ZBTB20: variants seen among roughly 807,000 people sequenced by gnomAD.
The protein encoded by ZBTB20 is zinc finger and BTB domain containing 20.
In ZBTB20, 9 loss-of-function variants were observed where a neutral mutation model predicts 56.9. That is an observed-to-expected ratio of 0.16 (90% CI 0.10 to 0.28). ZBTB20 has a LOEUF of 0.28. Ranked by LOEUF, ZBTB20 falls within the 10% of genes least tolerant of loss-of-function variation. The pLI is 1.00. For missense variants in ZBTB20, 655 were observed against 1,003.0 expected, an observed-to-expected ratio of 0.65 and a Z score of 4.69; for synonymous variants, 417 against 420.7, an observed-to-expected ratio of 0.99 and a Z score of 0.11.
intron 2 of ZBTB20, among the ~76,000 whole-genome samples, chr3:114,996,965 T>C (rs957117558): frequency 2.0e-5 from 3 of 151,906 alleles, no homozygotes; most frequent in Non-Finnish European, 4.4e-5. Flanking sequence ...ATGGTGATCA[T>C]TAAAAAGTCA....
intron 6 of ZBTB20, among the ~76,000 whole-genome samples, chr3:114,522,249 T>C (rs2046725749): frequency 6.6e-6 from 1 of 152,146 alleles, no homozygotes; most frequent in Non-Finnish European, 1.5e-5. Flanking sequence ...AAACAAGCCT[T>C]ATCTGGGGAA....
chr3:114,993,155 T>C, intron 2 of ZBTB20, among the ~76,000 whole-genome samples: 1 of 151,984 alleles, frequency 6.6e-6, no homozygotes, highest in East Asian at 1.9e-4. Flanking sequence ...TTCCTGTTTA[T>C]ACTCTCATGA....
At chr3:114,625,077 G>C (rs922759760) in intron 6 of ZBTB20, 1 of 152,920 alleles carries the variant, frequency 6.5e-6, no homozygotes, top group African/African-American at 2.4e-5. Context: ...AATAGCAGGG[G>C]GGTTTAGGTC....
intron 5 of ZBTB20, among the ~76,000 whole-genome samples, chr3:114,777,873 A>G (rs564138965): frequency 8.5e-4 from 130 of 152,170 alleles, no homozygotes; most frequent in Non-Finnish European, 1.4e-3. Context: ...AGATTGGATT[A>G]AGAAAATGTG....
chr3:114,799,338 T>A (rs780613783), intron 5 of ZBTB20, among the ~76,000 whole-genome samples: 3 of 151,958 alleles, frequency 2.0e-5, no homozygotes, highest in Non-Finnish European at 4.4e-5. Flanking sequence ...GGATGTGGTA[T>A]GAATGGTCAA....
At chr3:114,775,990 G>A (rs948571665) in intron 5 of ZBTB20, among the ~76,000 whole-genome samples, 3 of 149,952 alleles carry the variant, frequency 2.0e-5, no homozygotes, top group African/African-American at 7.4e-5. Context: ...GTAAAATCTT[G>A]ATGCCTGGAT....
At chr3:114,417,784 G>C (rs1473286349) in intron 7 of ZBTB20, among the ~76,000 whole-genome samples, 1 of 151,998 alleles carries the variant, frequency 6.6e-6, no homozygotes, top group Non-Finnish European at 1.5e-5. Context: ...GTGTAATTGT[G>C]AGTTCTAGCC....
At chr3:114,787,366 T>TATATATATATATATAC (rs1278656494) in intron 5 of ZBTB20, among the ~76,000 whole-genome samples, 11 of 82,910 alleles carry the variant, frequency 1.3e-4, no homozygotes, top group Admixed American at 9.4e-4. Context: ...TATATATATA[T>TATATATATATATATAC]ATACACACAC....
At chr3:114,397,477 A>G (rs532021822) in intron 7 of ZBTB20, among the ~76,000 whole-genome samples, 1 of 151,568 alleles carries the variant, frequency 6.6e-6, no homozygotes, top group African/African-American at 2.4e-5. Context: ...TATTCTCTCT[A>G]CTTCTCTTTA....
Position 114,323,283 on chromosome 3 carries a change from A to G in ZBTB20, c.*15722T>C, listed in dbSNP as rs2108007559. On this transcript the variant is annotated 3_prime_UTR_variant, in exon 12 of 12. Transcript: ENST00000675478. ...AAGGATAGTCTATGATGGAGCAGCT[A>G]GTATGTTCTAATCCATCCTCCAATG... The G allele has an allele frequency of 6.6e-6, 1 of 152,358 alleles. No homozygotes were observed. The highest frequency in any genetic ancestry group is 6.5e-5 in the Admixed American group (1 of 15,294). The allele number at this position is 152,358 out of a possible 1,614,324, so 9.4% of individuals were successfully genotyped here.
chr3:114,468,630 CT>C (rs2092640981), intron 7 of ZBTB20, among the ~76,000 whole-genome samples: 1 of 152,038 alleles, frequency 6.6e-6, no homozygotes, highest in Admixed American at 6.6e-5. Flanking sequence ...AAACAATCAC[CT>C]ATTTTTGGAC....
At chr3:114,443,820 C>T (rs1458053391) in intron 7 of ZBTB20, among the ~76,000 whole-genome samples, 1 of 152,160 alleles carries the variant, frequency 6.6e-6, no homozygotes, top group Non-Finnish European at 1.5e-5. Context: ...CTTATAGTAT[C>T]CTAGGAAGGC....
intron 1 of ZBTB20, among the ~76,000 whole-genome samples, chr3:115,109,933 G>C (rs910029899): frequency 6.6e-6 from 1 of 152,180 alleles, no homozygotes; most frequent in African/African-American, 2.4e-5. Flanking sequence ...CATTAGGCGG[G>C]GCACTGTGGC....
intron 8 of ZBTB20, among the ~76,000 whole-genome samples, chr3:114,385,069 G>A (rs976696361): frequency 6.6e-6 from 1 of 151,968 alleles, no homozygotes; most frequent in Non-Finnish European, 1.5e-5. Flanking sequence ...ACCCTCTCTT[G>A]CACGTTAATG....
intron 2 of ZBTB20, among the ~76,000 whole-genome samples, chr3:115,002,879 T>C (rs2079308454): frequency 6.6e-6 from 1 of 151,664 alleles, no homozygotes; most frequent in Admixed American, 6.6e-5. Flanking sequence ...CAGCCCAATT[T>C]ATAATTGCAA....
At chr3:114,504,239 T>C (rs1023134861) in intron 6 of ZBTB20, among the ~76,000 whole-genome samples, 1 of 152,100 alleles carries the variant, frequency 6.6e-6, no homozygotes, top group Non-Finnish European at 1.5e-5. Flanking sequence ...TTTAAAAAAA[T>C]CTACAAAGCC....
At chr3:115,111,242 C>T (rs558184197) in intron 1 of ZBTB20, among the ~76,000 whole-genome samples, 36 of 152,036 alleles carry the variant, frequency 2.4e-4, no homozygotes, top group African/African-American at 7.9e-4. Flanking sequence ...GAATATCAAA[C>T]AGTATCTCAC....
At chr3:114,956,218 A>G (rs918034981) in intron 3 of ZBTB20, among the ~76,000 whole-genome samples, 3 of 152,168 alleles carry the variant, frequency 2.0e-5, no homozygotes, top group East Asian at 1.9e-4. Context: ...TTATTTTCCA[A>G]TTGTCACTGG....
At chr3:114,590,292 C>T (rs750413734) in intron 6 of ZBTB20, among the ~76,000 whole-genome samples, 2 of 151,734 alleles carry the variant, frequency 1.3e-5, no homozygotes, top group Non-Finnish European at 1.5e-5. Context: ...CCCGTCTCTA[C>T]TAAAAATACA....
Sources: gnomAD v4.1 joint callset for allele counts (sites outside exome capture counted in the v4.1 genomes callset) on GRCh38, gnomAD v4.1.1 for gene constraint, MANE v1.5 for transcripts, NCBI Gene and HGNC (gene_info 2026-07-23, HGNC 2026-07-21) for gene names.